The following ADRA2B variants were observed in gnomAD, a reference collection of about 807,000 sequenced individuals.
ADRA2B encodes alpha-2B adrenergic receptor.
Under a neutral mutation model 14.4 loss-of-function variants are expected in ADRA2B, and 14 were observed. The ratio of observed to expected loss-of-function variants is 0.97; its 90% CI spans 0.64 to 1.52. ADRA2B has a LOEUF of 1.52. Ranked by LOEUF, ADRA2B falls within the 40% of genes most tolerant of loss-of-function variation. The probability of loss-of-function intolerance (pLI) is 0.00; values close to 1 mark genes in which losing one functional copy is unlikely to be tolerated. For synonymous variants in ADRA2B, 250 were observed against 263.7 expected (o/e 0.95, Z 0.50); for missense variants, 606 against 603.2 (o/e 1.00, Z -0.05).
Position 96,114,233 on chromosome 2 carries a change from C to A in ADRA2B, c.*564G>T. On this transcript the variant is annotated 3_prime_UTR_variant, in exon 1 of 1. Transcript: ENST00000620793. ...AAAGGGGGAAAGGAGGGCCCAGAGA[C>A]GATGCCACCCCATAAGCCCCCATCC... The A allele has an allele frequency of 1.0e-6, 1 of 986,736 alleles. No individual in the cohort carries two copies. The highest frequency in any genetic ancestry group is 1.2e-6 in the Non-Finnish European group (1 of 830,876). The allele number at this position is 986,736 out of a possible 1,614,324, so 61.1% of individuals were successfully genotyped here.
rs757236409 is a variant in ADRA2B, at chr2:96,115,152, G to C, written c.998C>G (p.Ser333Cys). 1 of 1,587,164 alleles carries C rather than the reference G, an allele frequency of 6.3e-7. No individual in the cohort carries two copies. The change falls in exon 1 of 1, where the codon TCC (serine) becomes TGC (cysteine). Residue 333 changes from serine (S) to cysteine (C), a missense_variant. By Grantham distance (112) the Ser-to-Cys change is moderately radical. Transcript: ENST00000620793. ...CSPPLQQPQG[S>C]RVLATLRGQV... is the part of the protein sequence containing the mutation. ...GCCACGTAGGGTGGCCAGCACCCGG[G>C]AGCCCTGTGGCTGCTGCAGCGGGGG...
rs778813149 is a variant in ADRA2B, at chr2:96,115,757, G to A, written c.393C>T (p.Cys131=). 3 of 1,613,054 alleles carry A rather than the reference G, an allele frequency of 1.9e-6. No individual in the cohort carries two copies. In the South Asian group the frequency reaches 3.3e-5, roughly 18 times the overall value. ...NSKRTPRRIK[C]IILTVWLIAA... ...CGATGAGCCACACAGTGAGGATGATGCACTTGATGCGGCGCGGGGTGCGCT... is the reference window on the plus strand; with the variant it reads ...CGATGAGCCACACAGTGAGGATGATACACTTGATGCGGCGCGGGGTGCGCT... The change falls in exon 1 of 1, where the codon TGC becomes TGT. Residue 131 remains cysteine, a synonymous_variant. Coordinates refer to ENST00000620793, the MANE Select transcript of ADRA2B (RefSeq NM_000682.7).
chr2:96,114,915 A>G lies in ADRA2B; in HGVS notation c.1235T>C (p.Phe412Ser), dbSNP rs777661184. ...TGAGCTGTTGCAGTAGCCGATCCAG[A>G]AGAAGAACTGGAAGAGGCCATGGGG... ...KVPHGLFQFF[F>S]WIGYCNSSLN... Residue 412 changes from phenylalanine to serine, a missense_variant, in exon 1 of 1, where the codon TTC becomes TCC. Physicochemically the swap from Phe to Ser is radical, Grantham distance 155. Coordinates refer to ENST00000620793, the MANE Select transcript of ADRA2B (RefSeq NM_000682.7). The G allele has an allele frequency of 6.8e-6, 11 of 1,613,920 alleles. No individual in the cohort carries two copies. The highest frequency in any genetic ancestry group is 3.3e-4 in the Middle Eastern group (2 of 6,062).
At position 96,113,513 on chromosome 2, in the gene ADRA2B, AG is replaced by A; in HGVS notation, c.*1283del. The A allele has an allele frequency of 5.0e-6, 1 of 199,176 alleles. No individual in the cohort carries two copies. The highest frequency in any genetic ancestry group is 6.0e-5 in the Admixed American group (1 of 16,566). 12.3% of individuals were successfully genotyped at this position (199,176 alleles called of 1,614,324 possible). A position where few individuals can be genotyped will look rare whatever the true frequency, so the allele number is the denominator to read the frequency against. Reference sequence around the variant, plus strand: ...GGGCACTCCAGTGGGAGGCTCCCCTAGGGGCGCACCAGGCTCTGATGCCAGT... The same window carrying A: ...GGGCACTCCAGTGGGAGGCTCCCCTAGGGCGCACCAGGCTCTGATGCCAGT... On this transcript the variant is annotated 3_prime_UTR_variant, in exon 1 of 1. Coordinates refer to ENST00000620793, the MANE Select transcript of ADRA2B (RefSeq NM_000682.7).
chr2:96,115,857 G>C lies in ADRA2B; in HGVS notation c.293C>G (p.Ser98Trp), dbSNP rs368204339. ...YLALDVLFCT[S>W]SIVHLCAISL... is the part of the protein sequence containing the mutation. ...GATGGCGCACAGGTGCACGATGGAC[G>C]AGGTGCAGAAGAGCACGTCGAGCGC... The change falls in exon 1 of 1, where the codon TCG becomes TGG. Residue 98 changes from serine to tryptophan, a missense_variant. By Grantham distance (177) the Ser-to-Trp change is radical. Transcript: ENST00000620793. The C allele has an allele frequency of 1.2e-6, 2 of 1,613,398 alleles. No homozygotes were observed. Among genetic ancestry groups the C allele is most frequent in the Middle Eastern group, 3.3e-4 (2 of 6,062 alleles).
chr2:96,113,538 G>C lies in ADRA2B; in HGVS notation c.*1259C>G, dbSNP rs1681796231. The stretch of plus-strand genomic sequence containing the variant: ...AGGGGCGCACCAGGCTCTGATGCCA[G>C]TACCCCACCTGGGGGCGCTGCCACC... On this transcript the variant is annotated 3_prime_UTR_variant, in exon 1 of 1. Coordinates refer to ENST00000620793, the MANE Select transcript of ADRA2B (RefSeq NM_000682.7). 5.5e-6 allele frequency: 1 copy of C among 182,486 alleles called. No homozygotes were observed. The highest frequency in any genetic ancestry group is 1.1e-5 in the Non-Finnish European group (1 of 88,518). The allele number at this position is 182,486 out of a possible 1,614,324, so 11.3% of individuals were successfully genotyped here.
chr2:96,114,529 C>G lies in ADRA2B; in HGVS notation c.*268G>C. ...CTCTTCTCCTGGTCTTGGCTATGTT[C>G]CAGAGGATTTGAACCACCTCCATCG... On this transcript the variant is annotated 3_prime_UTR_variant, in exon 1 of 1. Transcript: ENST00000620793. 1 of 1,320,874 alleles carries G rather than the reference C, an allele frequency of 7.6e-7. No individual in the cohort carries two copies. Among genetic ancestry groups the G allele is most frequent in the African/African-American group, 1.5e-5 (1 of 67,812 alleles). 81.8% of individuals were successfully genotyped at this position (1,320,874 alleles called of 1,614,324 possible).
Position 96,115,406 on chromosome 2 carries a change from T to A in ADRA2B, c.744A>T (p.Gly248=), listed in dbSNP as rs1681843079. Residue 248 remains glycine, a synonymous_variant, in exon 1 of 1, where the codon GGA becomes GGT. Transcript: ENST00000620793. Reference sequence around the variant, plus strand: ...CCTTCTCCCCAGTGGACTTCGAGTGTCCGTTGACCTCTCTGGCAGAAGCCA... The same window carrying A: ...CCTTCTCCCCAGTGGACTTCGAGTGACCGTTGACCTCTCTGGCAGAAGCCA... The part of the protein sequence containing the change: ...ASVASAREVN[G]HSKSTGEKEE... 6.2e-7 allele frequency: 1 copy of A among 1,609,132 alleles called. No homozygotes were observed. Among genetic ancestry groups the A allele is most frequent in the Non-Finnish European group, 8.5e-7 (1 of 1,176,794 alleles).
rs768443018 is a variant in ADRA2B, at chr2:96,115,752, A to T, written c.398T>A (p.Ile133Asn). Residue 133 changes from isoleucine (I) to asparagine (N), a missense_variant, in exon 1 of 1, where the codon ATC becomes AAC. By Grantham distance (149) the Ile-to-Asn change is moderately radical. Coordinates refer to ENST00000620793, the MANE Select transcript of ADRA2B (RefSeq NM_000682.7). Reference protein sequence around the residue: ...KRTPRRIKCIILTVWLIAAVI... With the variant: ...KRTPRRIKCINLTVWLIAAVI... ...GGCGGCGATGAGCCACACAGTGAGG[A>T]TGATGCACTTGATGCGGCGCGGGGT... 1 of 1,613,020 alleles carries T rather than the reference A, an allele frequency of 6.2e-7. No homozygotes were observed. The highest frequency in any genetic ancestry group is 8.5e-7 in the Non-Finnish European group (1 of 1,179,480).
rs771435924 is a variant in ADRA2B, at chr2:96,116,178, G to T, written c.-29C>A. The T allele has an allele frequency of 2.0e-5, 32 of 1,563,244 alleles. No homozygotes were observed. The highest frequency in any genetic ancestry group is 2.7e-5 in the Non-Finnish European group (31 of 1,143,020). ...GGGGCGGGAGGTGGGCAGAGGGAGC[G>T]CTGCCCGCCCAGTGCGCACCGTGGA... On this transcript the variant is annotated 5_prime_UTR_variant, in exon 1 of 1. Coordinates refer to ENST00000620793, the MANE Select transcript of ADRA2B (RefSeq NM_000682.7).
chr2:96,115,116 A>G lies in ADRA2B; in HGVS notation c.1034T>C (p.Leu345Pro). The G allele has an allele frequency of 1.2e-6, 2 of 1,610,460 alleles. No individual in the cohort carries two copies. The highest frequency in any genetic ancestry group is 8.5e-7 in the Non-Finnish European group (1 of 1,178,452). The change falls in exon 1 of 1, where the codon CTG becomes CCG. Residue 345 changes from leucine (L) to proline (P), a missense_variant. Coordinates refer to ENST00000620793, the MANE Select transcript of ADRA2B (RefSeq NM_000682.7). ...VLATLRGQVL[L>P]GRGVGAIGGQ... The stretch of plus-strand genomic sequence containing the variant: ...ACCTATAGCACCCACGCCCCTGCCC[A>G]GGAGCACCTGGCCACGTAGGGTGGC...
Position 96,113,943 on chromosome 2 carries a change from C to G in ADRA2B, c.*854G>C, listed in dbSNP as rs980122991. On this transcript the variant is annotated 3_prime_UTR_variant, in exon 1 of 1. Coordinates refer to ENST00000620793, the MANE Select transcript of ADRA2B (RefSeq NM_000682.7). ...TCACCATATAATCACATTTTTGGTT[C>G]TCTAGTGTGTTCCCCCACAGAGCTC... is the stretch of plus-strand genomic sequence containing the variant. 1.4e-5 allele frequency: 14 copies of G among 985,868 alleles called. No homozygotes were observed. Among genetic ancestry groups the G allele is most frequent in the Non-Finnish European group, 1.7e-5 (14 of 829,940 alleles). 61.1% of individuals were successfully genotyped at this position (985,868 alleles called of 1,614,324 possible). A position where few individuals can be genotyped will look rare whatever the true frequency, so the allele number is the denominator to read the frequency against.
In ADRA2B at chr2:96,115,669, G is replaced by A. The variant is rs759921636; in HGVS notation, c.481C>T (p.Arg161Cys). The change falls in exon 1 of 1, where the codon CGC becomes TGC. Residue 161 changes from arginine (R) to cysteine (C), a missense_variant. Coordinates refer to ENST00000620793, the MANE Select transcript of ADRA2B (RefSeq NM_000682.7). ...TCCTGGTTGAGCTTGCACTGGGGGC[G>A]CCCGCGCGGCTGGGGGCCCTGGTCG... ...KGDQGPQPRGRPQCKLNQEAW... is the reference protein window; with the variant it reads ...KGDQGPQPRGCPQCKLNQEAW... The A allele has an allele frequency of 6.2e-7, 1 of 1,613,710 alleles. No homozygotes were observed. Among genetic ancestry groups the A allele is most frequent in the Non-Finnish European group, 8.5e-7 (1 of 1,179,862 alleles).
chr2:96,115,780 G>T lies in ADRA2B; in HGVS notation c.370C>A (p.Arg124Ser). 1 of 1,612,974 alleles carries T rather than the reference G, an allele frequency of 6.2e-7. No homozygotes were observed. Among genetic ancestry groups the T allele is most frequent in the Non-Finnish European group, 8.5e-7 (1 of 1,179,486 alleles). Reference sequence around the variant, plus strand: ...ATGCACTTGATGCGGCGCGGGGTGCGCTTGGAGTTGTACTCCAGCGCGCGG... The same window carrying T: ...ATGCACTTGATGCGGCGCGGGGTGCTCTTGGAGTTGTACTCCAGCGCGCGG... ...VSRALEYNSK[R>S]TPRRIKCIIL... The change falls in exon 1 of 1, where the codon CGC becomes AGC. Residue 124 changes from arginine to serine, a missense_variant. Coordinates refer to ENST00000620793, the MANE Select transcript of ADRA2B (RefSeq NM_000682.7).
Position 96,116,060 on chromosome 2 carries a change from G to A in ADRA2B, c.90C>T (p.Asn30=). Residue 30 remains asparagine, a synonymous_variant, in exon 1 of 1, where the codon AAC becomes AAT. Transcript: ENST00000620793. ...TCAACACAGCCAGGATGACCAGAGC[G>A]TTGCCGAAGATGGTAAAGAGAATGA... ...TFLILFTIFG[N]ALVILAVLTS... is the part of the protein sequence containing the mutation. 1.2e-6 allele frequency: 2 copies of A among 1,613,090 alleles called. No individual in the cohort carries two copies. The highest frequency in any genetic ancestry group is 1.3e-5 in the African/African-American group (1 of 75,064).
Position 96,114,332 on chromosome 2 carries a change from G to A in ADRA2B, c.*465C>T, listed in dbSNP as rs1394959300. On this transcript the variant is annotated 3_prime_UTR_variant, in exon 1 of 1. Coordinates refer to ENST00000620793, the MANE Select transcript of ADRA2B (RefSeq NM_000682.7). ...GTTTCTTCCTCCCCCTCAGCAGCAG[G>A]CCCCACTGGGAAAAGTGGAAGGCTG... 3.6e-5 allele frequency: 36 copies of A among 995,044 alleles called. No individual in the cohort carries two copies. The highest frequency in any genetic ancestry group is 4.3e-5 in the Non-Finnish European group (36 of 835,186). 61.6% of individuals were successfully genotyped at this position (995,044 alleles called of 1,614,324 possible). A position where few individuals can be genotyped will look rare whatever the true frequency, so the allele number is the denominator to read the frequency against.
rs2969492 is a variant in ADRA2B, at chr2:96,115,072, G to A, written c.1078C>T (p.Arg360Trp). ...CGCTTCTCCCGGGTCAGCTGCGCCC[G>A]TCGACGCCACCACTGCCCACCTATA... Reference protein sequence around the residue: ...GAIGGQWWRRRAQLTREKRFT... With the variant: ...GAIGGQWWRRWAQLTREKRFT... The change falls in exon 1 of 1, where the codon CGG becomes TGG. Residue 360 changes from arginine (R) to tryptophan (W), a missense_variant. Arg to Trp is a moderately radical substitution (Grantham distance 101). Coordinates refer to ENST00000620793, the MANE Select transcript of ADRA2B (RefSeq NM_000682.7). 5.0e-6 allele frequency: 8 copies of A among 1,613,204 alleles called. No homozygotes were observed. The African/African-American group carries it at 6.7e-5, about 13-fold the overall frequency.
In ADRA2B at chr2:96,114,729, C is replaced by T; in HGVS notation, c.*68G>A. 19 of 1,520,014 alleles carry T rather than the reference C, an allele frequency of 1.2e-5. No homozygotes were observed. The highest frequency in any genetic ancestry group is 1.7e-5 in the Non-Finnish European group (19 of 1,134,354). 94.2% of individuals were successfully genotyped at this position (1,520,014 alleles called of 1,614,324 possible). ...AAAGCCCAGGGGAGGCAGCCACACA[C>T]AGCAGGGCAAGAAGCAGGGTGACCC... On this transcript the variant is annotated 3_prime_UTR_variant, in exon 1 of 1. Coordinates refer to ENST00000620793, the MANE Select transcript of ADRA2B (RefSeq NM_000682.7).
chr2:96,114,795 G>T lies in ADRA2B; in HGVS notation c.*2C>A, dbSNP rs186085130. On this transcript the variant is annotated 3_prime_UTR_variant, in exon 1 of 1. Transcript: ENST00000620793. ...AACCCCACAGGGGCAGCGCAGGCGG[G>T]CTCACCAGGCCGTCTGGGTCCACGG... 8.8e-5 allele frequency: 141 copies of T among 1,610,106 alleles called. No individual in the cohort carries two copies. The East Asian group carries it at 3.0e-3, about 35-fold the overall frequency.
Sources: gnomAD v4.1 joint callset for allele counts on GRCh38, gnomAD v4.1.1 for gene constraint, MANE v1.5 for transcripts, NCBI Gene and HGNC (gene_info 2026-07-23, HGNC 2026-07-21) for gene names.